Variants in ZSCAN5A observed in about 807,000 individuals in gnomAD.
ZSCAN5A encodes the protein zinc finger and SCAN domain containing 5A.
ZSCAN5A carries 12 observed loss-of-function variants against 23.7 expected under a neutral mutation model. The observed-to-expected ratio is 0.51, with a 90% CI of 0.32 to 0.82. The LOEUF (loss-of-function observed/expected upper bound fraction) is 0.82, where lower values mean the gene tolerates loss of function less well. ZSCAN5A is among the 40% of genes least tolerant of loss of function. The pLI is 0.03. For synonymous variants in ZSCAN5A, 257 were observed against 239.9 expected (o/e 1.07, Z -0.66); for missense variants, 597 against 617.9 (o/e 0.97, Z 0.36).
chr19:56,350,703 T>C (rs763195958), intron 2 of ZSCAN5A, among the ~76,000 whole-genome samples: 2 of 152,196 alleles, frequency 1.3e-5, no homozygotes, highest in African/African-American at 4.8e-5. Context: ...TGTCAAACTC[T>C]ACTGTCAGTT....
At chr19:56,257,225 C>T (rs2036765962) in intron 2 of ZSCAN5A, among the ~76,000 whole-genome samples, 1 of 152,114 alleles carries the variant, frequency 6.6e-6, no homozygotes, top group South Asian at 2.1e-4. Flanking sequence ...CAAGTTTGGA[C>T]AGAAGCAATG....
intron 2 of ZSCAN5A, among the ~76,000 whole-genome samples, chr19:56,260,386 G>A (rs1433139143): frequency 6.6e-6 from 1 of 151,706 alleles, no homozygotes; most frequent in Non-Finnish European, 1.5e-5. Context: ...GGCTAGTTAT[G>A]TATTTTTAGT....
rs544341316 is a variant in ZSCAN5A at position 56,238,880 on chromosome 19, G to A, written c.-127-13707C>T. Among the ~76,000 whole-genome samples, 113 of 151,988 alleles carry A rather than the reference G, an allele frequency of 7.4e-4. 1 individual carries two copies. The highest frequency in any genetic ancestry group is 2.6e-3 in the African/African-American group (109 of 41,468). On this transcript the variant is annotated intron_variant, in intron 2 of 5. Coordinates refer to ENST00000683990, the MANE Select transcript of ZSCAN5A (RefSeq NM_001322064.3). ...GAACATGACATGTTTCAAGAGGAGAGGACTGGAGGGAATTGGGTAGGTAGA... is the reference window on the plus strand; with the variant it reads ...GAACATGACATGTTTCAAGAGGAGAAGACTGGAGGGAATTGGGTAGGTAGA...
intron 2 of ZSCAN5A, among the ~76,000 whole-genome samples, chr19:56,291,271 C>A (rs182479518): frequency 2.0e-5 from 3 of 152,290 alleles, no homozygotes; most frequent in African/African-American, 7.2e-5. Context: ...TGAGAGAGAA[C>A]CCTGGAGACT....
chr19:56,291,766 GA>G (rs1477485418), intron 2 of ZSCAN5A, among the ~76,000 whole-genome samples: 2 of 151,786 alleles, frequency 1.3e-5, no homozygotes. Context: ...CAAGAACTGG[GA>G]AAAAATAGCT....
chr19:56,343,352 G>A, intron 2 of ZSCAN5A: 1 of 577,100 alleles, frequency 1.7e-6, no homozygotes, highest in Non-Finnish European at 3.4e-6. Flanking sequence ...TGAATGCAAG[G>A]TAGCAGTTGT....
At chr19:56,244,064 T>C in intron 2 of ZSCAN5A, 1 of 1,112,560 alleles carries the variant, frequency 9.0e-7, no homozygotes. Context: ...TTGCAACTCC[T>C]CATGGGGTCA....
In ZSCAN5A at chr19:56,366,964, G is replaced by T. The variant is rs536295842; in HGVS notation, c.-522+1245C>A. On this transcript the variant is annotated intron_variant, in intron 1 of 6. Transcript: ENST00000587340. ...TAATAGGCAAAATACACAGATTGAA[G>T]ATTTTACTTAACTCATTAATGAGAA... is the stretch of plus-strand genomic sequence containing the variant. 9.2e-5 allele frequency among the ~76,000 whole-genome samples: 14 copies of T among 152,110 alleles called. 1 individual carries two copies. The highest frequency in any genetic ancestry group is 1.6e-4 in the Non-Finnish European group (11 of 68,024).
At chr19:56,230,349 G>T (rs1238208261) in intron 2 of ZSCAN5A, among the ~76,000 whole-genome samples, 3 of 152,128 alleles carry the variant, frequency 2.0e-5, no homozygotes, top group Non-Finnish European at 4.4e-5. Context: ...CTCCCAAAGT[G>T]CCGGGATTAC....
At chr19:56,251,584 G>A (rs146324649) in intron 2 of ZSCAN5A, among the ~76,000 whole-genome samples, 24 of 152,266 alleles carry the variant, frequency 1.6e-4, no homozygotes, top group African/African-American at 5.5e-4. Flanking sequence ...GTTTTACAGG[G>A]TCTTATTCTG....
chr19:56,308,473 A>G (rs1698815045), intron 2 of ZSCAN5A, among the ~76,000 whole-genome samples: 1 of 151,500 alleles, frequency 6.6e-6, no homozygotes, highest in Non-Finnish European at 1.5e-5. Flanking sequence ...ACAGGCATGC[A>G]CCACCACACC....
chr19:56,252,211 A>G (rs1173965286), intron 2 of ZSCAN5A, among the ~76,000 whole-genome samples: 2 of 152,180 alleles, frequency 1.3e-5, no homozygotes, highest in Non-Finnish European at 2.9e-5. Context: ...AGGATATGGG[A>G]GCAATCAAGA....
intron 2 of ZSCAN5A, among the ~76,000 whole-genome samples, chr19:56,237,223 A>C (rs2035005721): frequency 6.6e-6 from 1 of 152,020 alleles, no homozygotes; most frequent in Admixed American, 6.6e-5. Context: ...CGTTTCATTC[A>C]ATTCTCTGTT....
At chr19:56,235,695 G>A (rs1223965672) in intron 2 of ZSCAN5A, among the ~76,000 whole-genome samples, 1 of 9,106 alleles carries the variant, frequency 1.1e-4, no homozygotes, top group East Asian at 3.2e-3. Flanking sequence ...CTGATGGACC[G>A]TGGGCCAAGT....
chr19:56,310,774 A>G (rs754188004), intron 2 of ZSCAN5A, among the ~76,000 whole-genome samples: 18 of 152,204 alleles, frequency 1.2e-4, no homozygotes, highest in Non-Finnish European at 2.5e-4. Context: ...TTTCTTGCCT[A>G]TTCTGGAGGA....
intron 2 of ZSCAN5A, among the ~76,000 whole-genome samples, chr19:56,257,393 A>G (rs1371654169): frequency 6.6e-6 from 1 of 152,164 alleles, no homozygotes; most frequent in Admixed American, 6.5e-5. Flanking sequence ...AGGATACAGA[A>G]CACTTGTCCC....
At chr19:56,241,805 T>A (rs1285899760) in intron 2 of ZSCAN5A, among the ~76,000 whole-genome samples, 2 of 152,218 alleles carry the variant, frequency 1.3e-5, no homozygotes, top group Non-Finnish European at 2.9e-5. Context: ...AAAATTATTA[T>A]TCATGTCATC....
rs191992431 is a variant in ZSCAN5A at position 56,283,259 on chromosome 19, A to G, written c.-128+30024T>C. The G allele has an allele frequency of 4.6e-5, 7 of 151,592 alleles. No homozygotes were observed. The East Asian group carries it at 1.4e-3, about 29-fold the overall frequency. The allele number at this position is 151,592 out of a possible 1,614,324, so 9.4% of individuals were successfully genotyped here. On this transcript the variant is annotated intron_variant, in intron 2 of 5. Coordinates refer to ENST00000683990, the MANE Select transcript of ZSCAN5A (RefSeq NM_001322064.3). ...TATGTATGAATCCAATACTATTATC[A>G]TCATTATTATTATTACGTACTTCAT...
intron 2 of ZSCAN5A, chr19:56,347,368 G>C (rs1360721614): frequency 6.6e-6 from 1 of 152,170 alleles, no homozygotes. Context: ...GGGGGCTCTG[G>C]GTGCTATCAA....
Sources: gnomAD v4.1 joint callset for allele counts (sites outside exome capture counted in the v4.1 genomes callset) on GRCh38, gnomAD v4.1.1 for gene constraint, MANE v1.5 for transcripts, NCBI Gene and HGNC (gene_info 2026-07-23, HGNC 2026-07-21) for gene names.